Variants in CD302 observed in about 807,000 individuals in gnomAD.
The protein encoded by CD302 is CD302 antigen.
A neutral mutation model predicts 26.5 loss-of-function variants in CD302; 23 were observed. The ratio of observed to expected loss-of-function variants is 0.87; its 90% CI spans 0.62 to 1.23. The LOEUF is 1.23. Among genes scored for constraint, CD302 ranks in the 50% most tolerant of loss-of-function variants. The probability of loss-of-function intolerance (pLI) is 0.00; values close to 1 mark genes in which losing one functional copy is unlikely to be tolerated. For missense variants in CD302, 290 were observed against 275.5 expected (o/e 1.05, Z -0.37); for synonymous variants, 90 against 99.4 (o/e 0.91, Z 0.56).
rs115168286 is a variant in CD302 at position 159,793,598 on chromosome 2, C to T, written c.67+4534G>A. Among the ~76,000 whole-genome samples, 697 of 152,280 alleles carry T rather than the reference C, an allele frequency of 4.6e-3. 3 individuals are homozygous for T. Among genetic ancestry groups the T allele is most frequent in the Non-Finnish European group, 7.9e-3 (540 of 68,022 alleles). On this transcript the variant is annotated intron_variant, in intron 1 of 5. Coordinates refer to ENST00000259053, the MANE Select transcript of CD302 (RefSeq NM_014880.5). ...ATATGAGTTGTAGTCACATAACTTC[C>T]GCAAGGGCAACTGTGGCACAGACAG...
Position 159,779,883 on chromosome 2 carries a change from G to A in CD302, c.469+122C>T, listed in dbSNP as rs112418972. The A allele has an allele frequency of 3.1e-3, 3,585 of 1,165,640 alleles. 83 individuals are homozygous for A. The African/African-American group carries it at 0.049, about 16-fold the overall frequency. The allele number at this position is 1,165,640 out of a possible 1,614,324, so 72.2% of individuals were successfully genotyped here. A position where few individuals can be genotyped will look rare whatever the true frequency, so the allele number is the denominator to read the frequency against. ...TTACCATAATGCTGGGATTGCAGGC[G>A]TGAGCCACTGTGCCTAGCCTTATTC... On this transcript the variant is annotated intron_variant, in intron 4 of 5. Transcript: ENST00000259053.
chr2:159,777,395 T>C (rs1708367163), intron 5 of CD302, among the ~76,000 whole-genome samples: 1 of 152,184 alleles, frequency 6.6e-6, no homozygotes, highest in African/African-American at 2.4e-5. Context: ...ATGGAGCAAA[T>C]GGAACTTGGA....
intron 1 of CD302, among the ~76,000 whole-genome samples, chr2:159,791,878 C>T (rs916834006): frequency 1.3e-5 from 2 of 152,136 alleles, no homozygotes; most frequent in African/African-American, 4.8e-5. Flanking sequence ...TCCTGCCCTC[C>T]TGGAAATTTA....
intron 5 of CD302, 83 bp from the exon 6 acceptor site, chr2:159,772,136 T>A: frequency 6.9e-7 from 1 of 1,447,536 alleles, no homozygotes; most frequent in Non-Finnish European, 9.4e-7. Flanking sequence ...AACTGTAGTT[T>A]TGTGTAAACA....
rs1382661074 is a variant in CD302 at position 159,769,981 on chromosome 2, CAT to C, written c.*1868_*1869del. The C allele has an allele frequency of 1.1e-4, 17 of 152,296 alleles. No individual in the cohort carries two copies. Among genetic ancestry groups the C allele is most frequent in the Admixed American group, 3.9e-4 (6 of 15,302 alleles). 9.4% of individuals were successfully genotyped at this position (152,296 alleles called of 1,614,324 possible). A position where few individuals can be genotyped will look rare whatever the true frequency, so the allele number is the denominator to read the frequency against. ...TAAACTAAATTTACTTAAATAGCCT[CAT>C]GTGGCTAGTGGCTCATTGGACATTG... On this transcript the variant is annotated 3_prime_UTR_variant, in exon 6 of 6. Coordinates refer to ENST00000259053, the MANE Select transcript of CD302 (RefSeq NM_014880.5).
intron 1 of CD302, among the ~76,000 whole-genome samples, chr2:159,792,422 C>CTGTGTGTG (rs3138650): frequency 0.026 from 3,730 of 145,178 alleles, 75 homozygotes; most frequent in South Asian, 0.053. Flanking sequence ...AGAACCAACT[C>CTGTGTGTG]TGTGTGTGTG....
At position 159,772,069 on chromosome 2, in the gene CD302, C is replaced by CTTTT; in HGVS notation, c.497-17_497-16insAAAA. ...ATGTGGTTATCTGAAAAGGAAAAGA[C>CTTTT]AAAAGAGTATTTGGGAAATTAGGGT... is the stretch of plus-strand genomic sequence containing the variant. On this transcript the variant is annotated splice_polypyrimidine_tract_variant and intron_variant, in intron 5 of 5. Transcript: ENST00000259053. 1 of 1,612,458 alleles carries CTTTT rather than the reference C, an allele frequency of 6.2e-7. No individual in the cohort carries two copies. Among genetic ancestry groups the CTTTT allele is most frequent in the East Asian group, 2.2e-5 (1 of 44,802 alleles).
intron 2 of CD302, among the ~76,000 whole-genome samples, chr2:159,782,724 C>CA (rs765295574): frequency 0.012 from 1,299 of 106,224 alleles, 7 homozygotes; most frequent in African/African-American, 0.027. Context: ...GACCCTGTCT[C>CA]AAAAAAAAAA....
rs1473231096 is a variant in CD302 at position 159,771,399 on chromosome 2, TA to T, written c.*451del. 6.5e-6 allele frequency: 1 copy of T among 153,550 alleles called. No individual in the cohort carries two copies. The highest frequency in any genetic ancestry group is 2.4e-5 in the African/African-American group (1 of 41,456). 9.5% of individuals were successfully genotyped at this position (153,550 alleles called of 1,614,324 possible). On this transcript the variant is annotated 3_prime_UTR_variant, in exon 6 of 6. Transcript: ENST00000259053. ...CTAAATCATAAAAAGATACACATTC[TA>T]GAGGAATTATCTGCCAAAAAAATAA...
chr2:159,780,021 T>A lies in CD302; in HGVS notation c.453A>T (p.Thr151=), dbSNP rs563146892. The A allele has an allele frequency of 1.2e-5, 20 of 1,613,912 alleles. No homozygotes were observed. Among genetic ancestry groups the A allele is most frequent in the Non-Finnish European group, 1.7e-5 (20 of 1,179,944 alleles). ...CATACTTACTAGCTGTTTTGCATAG[T>A]GTTCCTTCCACAGAAGAAACTTCAC... ...GNCEVSSVEG[T]LCKTAIPYKR... is the part of the protein sequence containing the mutation. The change falls in exon 4 of 6, where the codon ACA becomes ACT. Residue 151 remains threonine (T), a synonymous_variant. Coordinates refer to ENST00000259053, the MANE Select transcript of CD302 (RefSeq NM_014880.5).
intron 2 of CD302, among the ~76,000 whole-genome samples, chr2:159,781,736 T>C (rs1328418125): frequency 1.3e-5 from 2 of 152,182 alleles, no homozygotes; most frequent in Non-Finnish European, 2.9e-5. Context: ...AATAAAACCA[T>C]ATTGGCATGT....
At chr2:159,783,987 CTTAAT>C (rs1055458425) in intron 1 of CD302, among the ~76,000 whole-genome samples, 37 of 152,168 alleles carry the variant, frequency 2.4e-4, no homozygotes, top group Non-Finnish European at 3.5e-4. Context: ...TATGAATGTT[CTTAAT>C]TTAACACCTC....
At chr2:159,772,128 C>T (rs961636126) in intron 5 of CD302, 75 bp from the exon 6 acceptor site, 1 of 1,487,018 alleles carries the variant, frequency 6.7e-7, no homozygotes, top group Non-Finnish European at 9.1e-7. Flanking sequence ...ATGAGCACAA[C>T]TGTAGTTTTG....
intron 1 of CD302, among the ~76,000 whole-genome samples, chr2:159,797,182 G>A (rs1323906731): frequency 4.0e-4 from 52 of 130,194 alleles, no homozygotes; most frequent in Non-Finnish European, 1.6e-5. Flanking sequence ...CTTCGAGCAG[G>A]CAGTTATTAT....
intron 1 of CD302, among the ~76,000 whole-genome samples, chr2:159,797,209 C>T (rs7588230): frequency 0.62 from 78,475 of 127,356 alleles, 22,954 homozygotes; most frequent in Admixed American, 0.72. Flanking sequence ...GCAGTGAAAT[C>T]TGGGGCAAGG....
In CD302 at chr2:159,794,784, G is replaced by A. The variant is rs938120126; in HGVS notation, c.67+3348C>T. 1.1e-4 allele frequency among the ~76,000 whole-genome samples: 16 copies of A among 150,866 alleles called. 1 individual carries two copies. Among genetic ancestry groups the A allele is most frequent in the Non-Finnish European group, 1.6e-4 (11 of 67,586 alleles). On this transcript the variant is annotated intron_variant, in intron 1 of 5. Transcript: ENST00000259053. ...AGGATGGTCTCGATCTCCTGACCTC[G>A]TGATCCACCCGCCTCGGCCTCCCAA...
chr2:159,794,097 CAAA>C (rs549235973), intron 1 of CD302, among the ~76,000 whole-genome samples: 7 of 106,908 alleles, frequency 6.5e-5, no homozygotes, highest in African/African-American at 1.1e-4. Context: ...CCCACCTCTA[CAAA>C]AAAAAAAAAA....
chr2:159,776,011 A>ATTTTTTTTTTTTTT (rs1342820508), intron 5 of CD302, among the ~76,000 whole-genome samples: 2 of 13,150 alleles, frequency 1.5e-4, no homozygotes, highest in Admixed American at 9.4e-4. Flanking sequence ...CCGGGTTTCA[A>ATTTTTTTTTTTTTT]CTTTTTTTTT....
At chr2:159,785,962 A>T (rs1220122852) in intron 1 of CD302, among the ~76,000 whole-genome samples, 1 of 152,232 alleles carries the variant, frequency 6.6e-6, no homozygotes, top group Non-Finnish European at 1.5e-5. Context: ...GTGTTTCATC[A>T]GGAAAAGGGA....
Sources: allele counts gnomAD v4.1 joint callset (sites outside exome capture counted in the v4.1 genomes callset), GRCh38; gene constraint gnomAD v4.1.1; transcripts MANE v1.5; gene names NCBI Gene and HGNC (gene_info 2026-07-23, HGNC 2026-07-21).